The following RPS10 variants were observed in gnomAD, a reference collection of about 807,000 sequenced individuals.
RPS10 encodes small ribosomal subunit protein eS10.
Under a neutral mutation model 22.6 loss-of-function variants are expected in RPS10, and 2 were observed. The observed-to-expected ratio is 0.09, with a 90% confidence interval of 0.04 to 0.28. The LOEUF is 0.28. RPS10 is among the 10% of genes least tolerant of loss of function. The pLI is 1.00. For synonymous variants in RPS10, 70 were observed against 75.9 expected (o/e 0.92, Z 0.40); for missense variants, 137 against 222.2 (o/e 0.62, Z 2.44).
At chr6:34,419,777 C>T (rs1287625502) in intron 4 of RPS10, among the ~76,000 whole-genome samples, 2 of 151,858 alleles carry the variant, frequency 1.3e-5, no homozygotes, top group Non-Finnish European at 2.9e-5. Context: ...GGGGTTTCAC[C>T]ATGTTGTCCA....
rs535111167 is a variant in RPS10, at chr6:34,417,809, C to A, written c.457-262G>T. On this transcript the variant is annotated intron_variant, in intron 5 of 5. Transcript: ENST00000648437. The stretch of plus-strand genomic sequence containing the variant: ...GTGTTCATACATACTCCTATGAAAG[C>A]ATCCAGCACCAGGATTGGACCGTTT... The A allele has an allele frequency of 7.0e-6, 5 of 718,514 alleles. No individual in the cohort carries two copies. The Admixed American group carries it at 8.0e-5, about 12-fold the overall frequency. The allele number at this position is 718,514 out of a possible 1,614,324, so 44.5% of individuals were successfully genotyped here.
chr6:34,424,220 C>T (rs1159639556), intron 3 of RPS10: 1 of 174,114 alleles, frequency 5.7e-6, no homozygotes, highest in Non-Finnish European at 1.2e-5. Context: ...CCTCACACCA[C>T]ACATGCATGC....
Position 34,420,367 on chromosome 6 carries a change from C to T in RPS10, c.400+1363G>A, listed in dbSNP as rs141065463. Among the ~76,000 whole-genome samples, 566 of 152,206 alleles carry T rather than the reference C, an allele frequency of 3.7e-3. 4 individuals are homozygous for T. Among genetic ancestry groups the T allele is most frequent in the African/African-American group, 0.012 (518 of 41,546 alleles). ...AGTAGCTGAGATTATTACAGGCAGG[C>T]ACACACCATCATGCCCAGCTAATTT... On this transcript the variant is annotated intron_variant, in intron 4 of 5. Coordinates refer to ENST00000648437, the MANE Select transcript of RPS10 (RefSeq NM_001014.5).
chr6:34,417,749 T>C (rs1765627632), intron 5 of RPS10: 2 of 721,900 alleles, frequency 2.8e-6, no homozygotes, highest in South Asian at 3.0e-5. Context: ...CATTTCTTCA[T>C]TGGTAAAGTG....
intron 3 of RPS10, among the ~76,000 whole-genome samples, chr6:34,422,678 T>TGAACTCCTGGTCTC (rs1765808499): frequency 6.6e-6 from 1 of 150,692 alleles, no homozygotes; most frequent in African/African-American, 2.4e-5. Flanking sequence ...AGGCTGGTCT[T>TGAACTCCTGGTCTC]GAACTCCTGG....
chr6:34,422,344 TCA>T (rs1487893610), intron 3 of RPS10, among the ~76,000 whole-genome samples: 1 of 152,192 alleles, frequency 6.6e-6, no homozygotes, highest in African/African-American at 2.4e-5. Flanking sequence ...AGACGGAGTC[TCA>T]CTCTGTCACC....
chr6:34,421,921 G>T, intron 3 of RPS10, 114 bp from the exon 4 acceptor site: 1 of 1,091,622 alleles, frequency 9.2e-7, no homozygotes, highest in Non-Finnish European at 1.4e-6. Context: ...ACTTGGTTAA[G>T]ATGGGTTAAT....
At chr6:34,424,140 T>TTAAAAAAAAAAA (rs1554164086) in intron 3 of RPS10, 1 of 49,100 alleles carries the variant, frequency 2.0e-5, no homozygotes, top group African/African-American at 1.1e-4. Flanking sequence ...AAGACTCCGT[T>TTAAAAAAAAAAA]AAAAAAAAAA....
At position 34,425,132 on chromosome 6, in the gene RPS10, A is replaced by T; in HGVS notation, c.90T>A (p.Pro30=). The T allele has an allele frequency of 6.2e-7, 1 of 1,613,444 alleles. No individual in the cohort carries two copies. The highest frequency in any genetic ancestry group is 8.5e-7 in the Non-Finnish European group (1 of 1,179,946). ...TCTTGTCTGCCAGCTCCGGGTGCTT[A>T]GGCATGTGGACATCCTTCTTGGCCA... is the stretch of plus-strand genomic sequence containing the variant. The part of the protein sequence containing the change: ...VMVAKKDVHM[P]KHPELADKNV... Residue 30 remains proline, a synonymous_variant, in exon 2 of 6, where the codon CCT becomes CCA. Coordinates refer to ENST00000648437, the MANE Select transcript of RPS10 (RefSeq NM_001014.5).
intron 3 of RPS10, among the ~76,000 whole-genome samples, chr6:34,422,813 G>A (rs1581928755): frequency 6.6e-6 from 1 of 151,738 alleles, no homozygotes; most frequent in South Asian, 2.1e-4. Context: ...CAGACGCAGT[G>A]GCTCATGCCT....
At chr6:34,421,607 A>AC (rs1765772011) in intron 4 of RPS10, 123 bp downstream of exon 4, 1 of 1,099,348 alleles carries the variant, frequency 9.1e-7, no homozygotes. Flanking sequence ...GCAGAGTGAA[A>AC]CCAAGAATCT....
chr6:34,425,029 C>G, intron 2 of RPS10, 43 bp downstream of exon 2: 2 of 1,611,236 alleles, frequency 1.2e-6, no homozygotes, highest in Non-Finnish European at 8.5e-7. Flanking sequence ...GGATGGGATC[C>G]CGGGGAGGAA....
intron 4 of RPS10, among the ~76,000 whole-genome samples, chr6:34,418,908 T>A (rs979202564): frequency 6.6e-6 from 1 of 152,188 alleles, no homozygotes; most frequent in Non-Finnish European, 1.5e-5. Flanking sequence ...AGGGTCTTAC[T>A]CTGTCACCCA....
chr6:34,421,950 A>C (rs1581927692), intron 3 of RPS10, 143 bp from the exon 4 acceptor site: 2 of 761,588 alleles, frequency 2.6e-6, no homozygotes, highest in Non-Finnish European at 4.6e-6. Context: ...GAACTCCTTA[A>C]ACCTACAATG....
At chr6:34,418,202 T>C in intron 5 of RPS10, 167 bp downstream of exon 5, 1 of 1,518,284 alleles carries the variant, frequency 6.6e-7, no homozygotes, top group Non-Finnish European at 8.8e-7. Context: ...TACAAAAGTT[T>C]GCATGCTACA....
At chr6:34,424,869 G>A (rs769055610) in intron 2 of RPS10, 29 bp from the exon 3 acceptor site, 13 of 1,613,432 alleles carry the variant, frequency 8.1e-6, no homozygotes, top group Admixed American at 1.7e-5. Flanking sequence ...CTGTTAAGGC[G>A]TTAAGTAGAA....
chr6:34,422,727 G>A (rs1765810211), intron 3 of RPS10, among the ~76,000 whole-genome samples: 1 of 151,372 alleles, frequency 6.6e-6, no homozygotes, highest in Non-Finnish European at 1.5e-5. Context: ...CCAAAGTGCT[G>A]GGATTACAGG....
intron 4 of RPS10, among the ~76,000 whole-genome samples, chr6:34,418,767 A>G (rs539869025): frequency 6.6e-6 from 1 of 152,276 alleles, no homozygotes; most frequent in South Asian, 2.1e-4. Context: ...TGTAAAGGGA[A>G]GGGCCCACAA....
chr6:34,418,561 G>A lies in RPS10; in HGVS notation c.401-137C>T. ...TAAATATAAGCAAATTACACCAGTG[G>A]TGGGGAATACCTTCTGAGCCACCTT... On this transcript the variant is annotated intron_variant, in intron 4 of 5. Transcript: ENST00000648437. 2.2e-6 allele frequency: 3 copies of A among 1,361,170 alleles called. No homozygotes were observed. In the Admixed American group the frequency reaches 5.9e-5, roughly 27 times the overall value. The allele number at this position is 1,361,170 out of a possible 1,614,324, so 84.3% of individuals were successfully genotyped here.
Sources: gnomAD v4.1 joint callset for allele counts (sites outside exome capture counted in the v4.1 genomes callset) on GRCh38, gnomAD v4.1.1 for gene constraint, MANE v1.5 for transcripts, NCBI Gene and HGNC (gene_info 2026-07-23, HGNC 2026-07-21) for gene names.